AOPEP: variants seen among roughly 807,000 people sequenced by gnomAD.
AOPEP encodes aminopeptidase O (putative).
In AOPEP, 77 loss-of-function variants were observed where a neutral mutation model predicts 98.1. The observed-to-expected ratio is 0.78, with a 90% CI of 0.65 to 0.95. The LOEUF (loss-of-function observed/expected upper bound fraction) is 0.95. Among genes scored for constraint, AOPEP ranks in the 40% least tolerant of loss-of-function variants. The pLI, the probability that AOPEP is intolerant of heterozygous loss-of-function variation, is 0.00. For missense variants in AOPEP, 1,024 were observed against 1,024.7 expected (o/e 1.00, Z 0.01); for synonymous variants, 346 against 365.3 (o/e 0.95, Z 0.60).
At chr9:95,059,497 T>C (rs2067132501) in intron 13 of AOPEP, among the ~76,000 whole-genome samples, 1 of 150,544 alleles carries the variant, frequency 6.6e-6, no homozygotes, top group Non-Finnish European at 1.5e-5. Context: ...GCCCCCCGCA[T>C]ACCTTTTGGA....
At chr9:94,949,909 G>C (rs537340695) in intron 7 of AOPEP, among the ~76,000 whole-genome samples, 134 of 152,276 alleles carry the variant, frequency 8.8e-4, no homozygotes, top group African/African-American at 3.1e-3. Context: ...TAGCTTAGTA[G>C]GACTTTATGT....
At chr9:95,076,328 C>G (rs1056200525) in intron 14 of AOPEP, among the ~76,000 whole-genome samples, 1 of 152,092 alleles carries the variant, frequency 6.6e-6, no homozygotes, top group African/African-American at 2.4e-5. Context: ...TCTGGACACC[C>G]CACATCTAGG....
chr9:95,027,904 G>A (rs1377727862), intron 13 of AOPEP, among the ~76,000 whole-genome samples: 2 of 152,160 alleles, frequency 1.3e-5, no homozygotes, highest in Non-Finnish European at 1.5e-5. Flanking sequence ...TAAATAAGTC[G>A]TATCATCAGT....
the AOPEP span, among the ~76,000 whole-genome samples, chr9:95,092,761 T>G: frequency 1.3e-5 from 2 of 152,154 alleles, no homozygotes; most frequent in African/African-American, 4.8e-5. Context: ...TCTGCTCTCA[T>G]AGTCCTCCCT....
intron 1 of AOPEP, among the ~76,000 whole-genome samples, chr9:94,749,285 C>T (rs766716472): frequency 2.0e-5 from 3 of 152,136 alleles, no homozygotes; most frequent in Non-Finnish European, 4.4e-5. Context: ...TCCTGTGTCC[C>T]AATTCTTCTG....
At chr9:95,005,897 A>C (rs778416130) in intron 13 of AOPEP, 1 of 542,014 alleles carries the variant, frequency 1.8e-6, no homozygotes, top group Non-Finnish European at 3.4e-6. Context: ...TTAGATCAGC[A>C]GTGTTTATTA....
chr9:95,084,484 T>A (rs1305184223), intron 16 of AOPEP, among the ~76,000 whole-genome samples: 3 of 152,172 alleles, frequency 2.0e-5, no homozygotes, highest in Non-Finnish European at 4.4e-5. Flanking sequence ...TGCACTTACC[T>A]CACTGCCGGC....
intron 5 of AOPEP, among the ~76,000 whole-genome samples, chr9:94,901,339 G>A (rs939977557): frequency 1.3e-5 from 2 of 151,944 alleles, no homozygotes; most frequent in African/African-American, 4.8e-5. Flanking sequence ...TCAATGTAGC[G>A]GCTTTAATCA....
At chr9:95,148,430 C>T in the AOPEP span, among the ~76,000 whole-genome samples, 4 of 152,160 alleles carry the variant, frequency 2.6e-5, no homozygotes, top group East Asian at 1.9e-4. Context: ...CATACTTTCT[C>T]AATAATTAGC....
At chr9:94,836,238 G>A (rs538984830) in intron 5 of AOPEP, among the ~76,000 whole-genome samples, 2 of 152,298 alleles carry the variant, frequency 1.3e-5, no homozygotes, top group African/African-American at 4.8e-5. Context: ...CTTCTCTAGA[G>A]TAAATATCTG....
At chr9:94,934,582 C>T (rs1268112353) in intron 7 of AOPEP, 3 of 152,214 alleles carry the variant, frequency 2.0e-5, no homozygotes, top group Admixed American at 1.3e-4. Context: ...AACTTCCAGT[C>T]CTCTGGAATC....
At chr9:94,874,838 G>T (rs992684312) in intron 5 of AOPEP, among the ~76,000 whole-genome samples, 2 of 152,132 alleles carry the variant, frequency 1.3e-5, no homozygotes. Flanking sequence ...ATTATTCCAA[G>T]ATACAGAAGG....
intron 13 of AOPEP, among the ~76,000 whole-genome samples, chr9:95,041,027 A>G (rs557836514): frequency 2.1e-5 from 3 of 145,510 alleles, no homozygotes; most frequent in Non-Finnish European, 4.5e-5. Context: ...GAGTTCCATG[A>G]CAGAGTTAAG....
chr9:94,768,410 A>G (rs2132702726), intron 2 of AOPEP, among the ~76,000 whole-genome samples: 1 of 152,358 alleles, frequency 6.6e-6, no homozygotes, highest in Middle Eastern at 3.4e-3. Context: ...AGTCAACGGA[A>G]GAAAAAGAAA....
At chr9:95,107,442 G>A in the AOPEP span, 2 of 696,772 alleles carry the variant, frequency 2.9e-6, no homozygotes, top group South Asian at 1.7e-5. Context: ...ACCCAAATGG[G>A]CGGAATGGAA....
At chr9:94,877,770 A>G (rs144110847) in intron 5 of AOPEP, among the ~76,000 whole-genome samples, 27 of 152,312 alleles carry the variant, frequency 1.8e-4, no homozygotes, top group African/African-American at 6.0e-4. Context: ...ACTTGTATCC[A>G]TATAGCTAAT....
chr9:94,967,684 C>T (rs1473294413), intron 9 of AOPEP, 74 bp from the exon 10 acceptor site: 1 of 1,295,380 alleles, frequency 7.7e-7, no homozygotes, highest in Non-Finnish European at 1.1e-6. Flanking sequence ...TGGGAGCACT[C>T]AGCCTCTGGC....
At chr9:95,117,571 A>C in the AOPEP span, among the ~76,000 whole-genome samples, 1 of 147,854 alleles carries the variant, frequency 6.8e-6, no homozygotes, top group African/African-American at 2.5e-5. Context: ...TTTCCAGAAT[A>C]ATTAACCTTT....
intron 9 of AOPEP, among the ~76,000 whole-genome samples, chr9:94,961,336 A>G (rs1466056581): frequency 2.0e-5 from 3 of 152,214 alleles, no homozygotes; most frequent in East Asian, 3.9e-4. Flanking sequence ...CCTAGATTCT[A>G]TTCTTTCCTC....
Sources: gnomAD v4.1 joint callset for allele counts (sites outside exome capture counted in the v4.1 genomes callset) on GRCh38, gnomAD v4.1.1 for gene constraint, MANE v1.5 for transcripts, NCBI Gene and HGNC (gene_info 2026-07-23, HGNC 2026-07-21) for gene names.